ZNF385D: variants seen among roughly 807,000 people sequenced by gnomAD.
ZNF385D encodes the protein zinc finger protein 659.
In ZNF385D, 15 loss-of-function variants were observed where a neutral mutation model predicts 35.8. The ratio of observed to expected loss-of-function variants is 0.42; its 90% CI spans 0.28 to 0.64. ZNF385D has a LOEUF of 0.64. Among genes scored for constraint, ZNF385D ranks in the 30% least tolerant of loss-of-function variants. The pLI is 0.23. For missense variants in ZNF385D, 474 were observed against 494.6 expected, an observed-to-expected ratio of 0.96 and a Z score of 0.39; for synonymous variants, 212 against 186.8, an observed-to-expected ratio of 1.13 and a Z score of -1.10.
At chr3:21,896,420 T>C (rs1458545005) in intron 3 of ZNF385D, among the ~76,000 whole-genome samples, 1 of 152,192 alleles carries the variant, frequency 6.6e-6, no homozygotes, top group African/African-American at 2.4e-5. Flanking sequence ...TCTGCCTCCC[T>C]TAACACTAAG....
chr3:22,213,154 T>C (rs758291151), intron 2 of ZNF385D, among the ~76,000 whole-genome samples: 30 of 152,054 alleles, frequency 2.0e-4, no homozygotes, highest in Admixed American at 3.9e-4. Flanking sequence ...CATGTGACAA[T>C]AGAATTGGAA....
At chr3:22,166,694 C>T (rs555930288) in intron 3 of ZNF385D, among the ~76,000 whole-genome samples, 1 of 152,240 alleles carries the variant, frequency 6.6e-6, no homozygotes, top group African/African-American at 2.4e-5. Context: ...TAAACTCATA[C>T]CTACTATCGT....
intron 2 of ZNF385D, among the ~76,000 whole-genome samples, chr3:22,305,802 T>C (rs1003482205): frequency 5.9e-5 from 9 of 152,180 alleles, no homozygotes; most frequent in African/African-American, 1.9e-4. Flanking sequence ...CTACACTAAT[T>C]AACAGGGCAG....
At chr3:21,651,226 T>C (rs889259457) in intron 2 of ZNF385D, among the ~76,000 whole-genome samples, 2 of 137,588 alleles carry the variant, frequency 1.5e-5, no homozygotes, top group East Asian at 2.2e-4. Flanking sequence ...AGGTGGAGCT[T>C]GCAGTGAGCC....
intron 3 of ZNF385D, among the ~76,000 whole-genome samples, chr3:22,019,769 G>A (rs1244904156): frequency 4.6e-5 from 7 of 151,598 alleles, no homozygotes; most frequent in African/African-American, 7.3e-5. Context: ...TCTATGCTGC[G>A]GGAACTGGGG....
chr3:22,143,062 TGTGTGTGTG>T (rs1704619812), intron 3 of ZNF385D, among the ~76,000 whole-genome samples: 1 of 28,882 alleles, frequency 3.5e-5, no homozygotes, highest in South Asian at 9.1e-4. Context: ...AAATCGGTTG[TGTGTGTGTG>T]TGTGTGTGTG....
intron 3 of ZNF385D, among the ~76,000 whole-genome samples, chr3:21,892,009 T>C (rs1348547451): frequency 3.9e-5 from 6 of 152,228 alleles, no homozygotes; most frequent in Non-Finnish European, 7.3e-5. Flanking sequence ...CATGTGTTCA[T>C]GCAAAATATC....
At chr3:21,733,471 C>A (rs974123781) in intron 1 of ZNF385D, among the ~76,000 whole-genome samples, 6 of 152,084 alleles carry the variant, frequency 3.9e-5, no homozygotes, top group Non-Finnish European at 8.8e-5. Context: ...TTCTTATAAG[C>A]TCTTTGTTAA....
At chr3:21,484,773 G>A (rs899207859) in intron 4 of ZNF385D, among the ~76,000 whole-genome samples, 2 of 152,148 alleles carry the variant, frequency 1.3e-5, no homozygotes, top group Non-Finnish European at 1.5e-5. Flanking sequence ...ATAATCAAAA[G>A]AGTCCCATCC....
intron 2 of ZNF385D, among the ~76,000 whole-genome samples, chr3:22,234,639 T>C (rs1699077056): frequency 6.6e-6 from 1 of 152,122 alleles, no homozygotes; most frequent in Non-Finnish European, 1.5e-5. Flanking sequence ...TTATGTTTAC[T>C]TAAGGGATAT....
At chr3:22,274,502 A>C (rs1452026014) in intron 2 of ZNF385D, among the ~76,000 whole-genome samples, 1 of 152,012 alleles carries the variant, frequency 6.6e-6, no homozygotes, top group African/African-American at 2.4e-5. Context: ...TCGACTTCCT[A>C]TAAATCACTT....
chr3:21,836,915 T>G (rs918969202), intron 3 of ZNF385D, among the ~76,000 whole-genome samples: 1 of 152,140 alleles, frequency 6.6e-6, no homozygotes, highest in East Asian at 1.9e-4. Flanking sequence ...ATTCCACTCT[T>G]CTTCTCTTCC....
chr3:21,570,999 C>T (rs2063319258), intron 2 of ZNF385D, among the ~76,000 whole-genome samples: 1 of 149,892 alleles, frequency 6.7e-6, no homozygotes. Flanking sequence ...ATTCCTTTTT[C>T]TTTAACTTTT....
chr3:21,455,389 C>T (rs922845973), intron 4 of ZNF385D, among the ~76,000 whole-genome samples: 6 of 152,192 alleles, frequency 3.9e-5, no homozygotes, highest in Admixed American at 2.6e-4. Flanking sequence ...AAAACAGAGA[C>T]ATAGACCAAT....
chr3:22,044,754 G>C (rs529249249), intron 3 of ZNF385D, among the ~76,000 whole-genome samples: 2 of 150,228 alleles, frequency 1.3e-5, no homozygotes, highest in South Asian at 2.1e-4. Flanking sequence ...CTAGTGGTGG[G>C]AGTCTTTTCT....
chr3:22,311,694 AAG>A (rs1486348537), intron 2 of ZNF385D, among the ~76,000 whole-genome samples: 4 of 152,212 alleles, frequency 2.6e-5, no homozygotes, highest in South Asian at 2.1e-4. Context: ...AGTGGAGAAA[AAG>A]AAGATAATAT....
At chr3:21,574,154 A>G (rs1553615537) in intron 2 of ZNF385D, among the ~76,000 whole-genome samples, 7 of 152,058 alleles carry the variant, frequency 4.6e-5, no homozygotes, top group Non-Finnish European at 1.0e-4. Flanking sequence ...TAAAGAGACA[A>G]CTAGGCATCA....
At chr3:22,349,251 T>C (rs1206864468) in intron 2 of ZNF385D, among the ~76,000 whole-genome samples, 1 of 152,146 alleles carries the variant, frequency 6.6e-6, no homozygotes, top group Non-Finnish European at 1.5e-5. Flanking sequence ...TTTGGCTGAA[T>C]AGTAGCAGCA....
intron 2 of ZNF385D, among the ~76,000 whole-genome samples, chr3:22,330,875 A>G (rs780876999): frequency 2.6e-5 from 4 of 152,232 alleles, no homozygotes; most frequent in Non-Finnish European, 4.4e-5. Context: ...TAGGCAACCT[A>G]TCTCCAAATT....
Sources: allele counts gnomAD v4.1 joint callset (sites outside exome capture counted in the v4.1 genomes callset), GRCh38; gene constraint gnomAD v4.1.1; transcripts MANE v1.5; gene names NCBI Gene and HGNC (gene_info 2026-07-23, HGNC 2026-07-21).